The following SLC7A2 variants were observed in gnomAD, a reference collection of about 807,000 sequenced individuals.
The protein encoded by SLC7A2 is cationic amino acid transporter 2.
A neutral mutation model predicts 58.9 loss-of-function variants in SLC7A2; 48 were observed. The observed-to-expected ratio is 0.82, with a 90% CI of 0.65 to 1.04. The LOEUF is 1.04. Among genes scored for constraint, SLC7A2 ranks in the 50% least tolerant of loss-of-function variants. The probability of loss-of-function intolerance (pLI) is 0.00; values close to 1 mark genes in which losing one functional copy is unlikely to be tolerated. For synonymous variants in SLC7A2, 363 were observed against 314.5 expected (o/e 1.15, Z -1.63); for missense variants, 1,029 against 818.8 (o/e 1.26, Z -3.13).
intron 8 of SLC7A2, among the ~76,000 whole-genome samples, chr8:17,555,752 G>A (rs78915381): frequency 0.025 from 3,879 of 152,170 alleles, 62 homozygotes; most frequent in East Asian, 0.074. Flanking sequence ...AATCCAGATT[G>A]CTAGTCTTTT....
At chr8:17,511,002 A>T (rs535078515) in intron 2 of SLC7A2, 2 of 152,352 alleles carry the variant, frequency 1.3e-5, no homozygotes, top group East Asian at 3.9e-4. Context: ...ATACAGGAAC[A>T]GAAAACCAAA....
chr8:17,548,522 A>G (rs1802285039), intron 4 of SLC7A2, among the ~76,000 whole-genome samples, 156 bp from the exon 5 acceptor site: 2 of 152,226 alleles, frequency 1.3e-5, no homozygotes, highest in East Asian at 3.9e-4. Context: ...AGAATTAGGT[A>G]ATTAACTAAT....
chr8:17,540,684 C>G (rs1343228348), intron 2 of SLC7A2, among the ~76,000 whole-genome samples: 1 of 152,078 alleles, frequency 6.6e-6, no homozygotes, highest in Non-Finnish European at 1.5e-5. Context: ...ATAATAAAAG[C>G]TTTTACTGTT....
intron 2 of SLC7A2, among the ~76,000 whole-genome samples, chr8:17,519,801 A>G (rs1800942215): frequency 6.6e-6 from 1 of 152,018 alleles, no homozygotes; most frequent in Non-Finnish European, 1.5e-5. Flanking sequence ...ATTCACATTC[A>G]TCTTGCCAAG....
chr8:17,546,955 T>A (rs907758664), intron 4 of SLC7A2, among the ~76,000 whole-genome samples: 3 of 152,194 alleles, frequency 2.0e-5, no homozygotes, highest in Non-Finnish European at 2.9e-5. Flanking sequence ...TTTGGGTTAA[T>A]GTTTAAGAGA....
Position 17,565,054 on chromosome 8 carries a change from G to A in SLC7A2, c.1885G>A (p.Ala629Thr), listed in dbSNP as rs1309842390. 1 of 1,613,910 alleles carries A rather than the reference G, an allele frequency of 6.2e-7. No homozygotes were observed. Among genetic ancestry groups the A allele is most frequent in the Admixed American group, 1.7e-5 (1 of 59,994 alleles). The change falls in exon 13 of 13, where the codon GCA becomes ACA. Residue 629 changes from alanine to threonine, a missense_variant. Ala to Thr is a moderately conservative substitution (Grantham distance 58, BLOSUM62 0). Transcript: ENST00000494857. Reference protein sequence around the residue: ...DAYPDNVHAAAEEKSAIQAND... With the variant: ...DAYPDNVHAATEEKSAIQAND... ...TTATCCAGACAACGTTCATGCAGCA[G>A]CAGAAGAAAAATCTGCCATTCAAGC...
chr8:17,526,082 G>T (rs1801212003), intron 2 of SLC7A2, among the ~76,000 whole-genome samples: 1 of 152,082 alleles, frequency 6.6e-6, no homozygotes, highest in Non-Finnish European at 1.5e-5. Flanking sequence ...TCTATGGACT[G>T]TAACCCTAAA....
In SLC7A2 at chr8:17,543,603, AT is replaced by A. The variant is rs750555650; in HGVS notation, c.267del (p.Phe89LeufsTer17). 6.2e-7 allele frequency: 1 copy of A among 1,605,282 alleles called. No homozygotes were observed. Among genetic ancestry groups the A allele is most frequent in the Non-Finnish European group, 8.5e-7 (1 of 1,175,786 alleles). ...TGATGGCTGGCCTCTGCTATGCCGA[AT>A]TTGGGGCCCGTGTTCCCAAGACGGG... ...SVMAGLCYAE[F>X]GARVPKTGSA... On this transcript the variant is annotated frameshift_variant, in exon 3 of 13. Transcript: ENST00000494857. LOFTEE classifies it high-confidence loss of function.
chr8:17,527,123 G>A lies in SLC7A2; in HGVS notation c.-22-16195G>A, dbSNP rs114747953. On this transcript the variant is annotated intron_variant, in intron 2 of 12. Coordinates refer to ENST00000494857, the MANE Select transcript of SLC7A2 (RefSeq NM_001370338.1). ...CTTTTCAAATTTGCAGTGATACACAGGTAGGTAGGGTACTTAATGCATGAT... is the reference window on the plus strand; with the variant it reads ...CTTTTCAAATTTGCAGTGATACACAAGTAGGTAGGGTACTTAATGCATGAT... Among the ~76,000 whole-genome samples the A allele has an allele frequency of 6.0e-3, 909 of 152,224 alleles. 8 individuals carry two copies. Among genetic ancestry groups the A allele is most frequent in the African/African-American group, 0.021 (855 of 41,534 alleles).
chr8:17,544,691 A>G, intron 4 of SLC7A2, 85 bp downstream of exon 4: 1 of 1,179,076 alleles, frequency 8.5e-7, no homozygotes, highest in Non-Finnish European at 1.2e-6. Context: ...TTGGGGCCTG[A>G]GTTCCCAAGA....
chr8:17,543,898 C>T (rs1052615650), intron 3 of SLC7A2, among the ~76,000 whole-genome samples, 183 bp downstream of exon 3: 5 of 152,054 alleles, frequency 3.3e-5, no homozygotes, highest in African/African-American at 1.2e-4. Context: ...AAGACAGTCT[C>T]ACTCTGTCGC....
chr8:17,511,842 A>G (rs1800617206), intron 2 of SLC7A2, among the ~76,000 whole-genome samples: 1 of 152,168 alleles, frequency 6.6e-6, no homozygotes, highest in African/African-American at 2.4e-5. Context: ...GCTGGAACCC[A>G]TGCTAGGGCT....
chr8:17,498,725 C>A (rs1199534711), intron 1 of SLC7A2: 10 of 152,134 alleles, frequency 6.6e-5, no homozygotes, highest in Admixed American at 6.6e-4. Context: ...CCTTGGAGAC[C>A]AGAGTAAAGC....
chr8:17,551,725 T>C (rs761144285), intron 6 of SLC7A2, 39 bp from the exon 7 acceptor site: 1 of 1,435,560 alleles, frequency 7.0e-7, no homozygotes, highest in Non-Finnish European at 9.8e-7. Context: ...CTGTTGATGT[T>C]TTATTAAGCA....
chr8:17,564,925 ATTT>A, intron 12 of SLC7A2, 22 bp from the exon 13 acceptor site: 1 of 1,194,782 alleles, frequency 8.4e-7, no homozygotes, highest in Non-Finnish European at 1.1e-6. Flanking sequence ...TGAAACATTG[ATTT>A]TTTTTTTTCC....
chr8:17,522,178 C>G (rs1236276136), intron 2 of SLC7A2, among the ~76,000 whole-genome samples: 4 of 152,070 alleles, frequency 2.6e-5, no homozygotes, highest in African/African-American at 9.7e-5. Context: ...TGGCAGATGG[C>G]AAAAGTCACG....
intron 2 of SLC7A2, among the ~76,000 whole-genome samples, chr8:17,539,282 T>C (rs892699645): frequency 3.9e-5 from 6 of 152,130 alleles, no homozygotes; most frequent in Admixed American, 2.6e-4. Context: ...TAGGGACTTA[T>C]CAAGGAATAA....
intron 2 of SLC7A2, among the ~76,000 whole-genome samples, chr8:17,503,125 G>T (rs1005494291): frequency 6.6e-6 from 1 of 151,612 alleles, no homozygotes; most frequent in South Asian, 2.1e-4. Context: ...ATCTCGGCTC[G>T]CTGCAAGCTC....
intron 8 of SLC7A2, 190 bp downstream of exon 8, chr8:17,554,889 T>C (rs1013822480): frequency 1.9e-6 from 3 of 1,587,034 alleles, no homozygotes; most frequent in African/African-American, 2.7e-5. Flanking sequence ...TGTCTATACC[T>C]GTCTAGAATA....
Sources: gnomAD v4.1 joint callset for allele counts (sites outside exome capture counted in the v4.1 genomes callset) on GRCh38, gnomAD v4.1.1 for gene constraint, MANE v1.5 for transcripts, NCBI Gene and HGNC (gene_info 2026-07-23, HGNC 2026-07-21) for gene names.